Variants in CNTNAP2 observed in about 807,000 individuals in gnomAD.
CNTNAP2 encodes the protein contactin-associated protein-like 2.
Under a neutral mutation model 155.2 loss-of-function variants are expected in CNTNAP2, and 98 were observed. The observed-to-expected ratio is 0.63, with a 90% CI of 0.54 to 0.75. CNTNAP2 has a LOEUF of 0.75. CNTNAP2 is among the 30% of genes least tolerant of loss of function. CNTNAP2 has a pLI of 0.00. For synonymous variants in CNTNAP2, 651 were observed against 631.2 expected, an observed-to-expected ratio of 1.03 and a Z score of -0.47; for missense variants, 1,727 against 1,688.1, an observed-to-expected ratio of 1.02 and a Z score of -0.40.
chr7:147,205,694 A>C (rs1442766232), intron 8 of CNTNAP2, among the ~76,000 whole-genome samples: 1 of 152,048 alleles, frequency 6.6e-6, no homozygotes, highest in Non-Finnish European at 1.5e-5. Flanking sequence ...ATTTTAAAAA[A>C]AAAAAGGAAC....
chr7:146,340,727 C>T (rs766647636), intron 1 of CNTNAP2, among the ~76,000 whole-genome samples: 2 of 152,036 alleles, frequency 1.3e-5, no homozygotes, highest in Non-Finnish European at 2.9e-5. Flanking sequence ...ATTTTATCTC[C>T]GCCTGAAAAA....
chr7:147,712,288 A>G (rs1365007746), intron 13 of CNTNAP2, among the ~76,000 whole-genome samples: 4 of 152,284 alleles, frequency 2.6e-5, no homozygotes, highest in African/African-American at 9.6e-5. Context: ...ACACTTTTAC[A>G]CTGTTGGTGG....
rs193122588 is a variant in CNTNAP2 at position 146,194,720 on chromosome 7, T to G, written c.97+77747T>G. ...TGTGGAAATAATAACAAAGTTATTT[T>G]ATGCTGCTAAAACTAACTTATTTGA... On this transcript the variant is annotated intron_variant, in intron 1 of 23. Coordinates refer to ENST00000361727, the MANE Select transcript of CNTNAP2 (RefSeq NM_014141.6). Among the ~76,000 whole-genome samples, 22 of 152,356 alleles carry G rather than the reference T, an allele frequency of 1.4e-4. 1 individual carries two copies. In the East Asian group the frequency reaches 4.2e-3, roughly 29 times the overall value.
chr7:147,575,513 G>GTGTGTGTGTGTGTGTGTGTGTGTGTA (rs1800382042), intron 12 of CNTNAP2, among the ~76,000 whole-genome samples: 1 of 136,246 alleles, frequency 7.3e-6, no homozygotes, highest in Admixed American at 7.1e-5. Context: ...GTATACAACT[G>GTGTGTGTGTGTGTGTGTGTGTGTGTA]TGTGTGTGTG....
intron 11 of CNTNAP2, among the ~76,000 whole-genome samples, chr7:147,486,321 C>T (rs1003059726): frequency 3.3e-5 from 5 of 152,138 alleles, no homozygotes; most frequent in African/African-American, 9.7e-5. Flanking sequence ...AACTTGGATT[C>T]GCCTCTCTGT....
intron 21 of CNTNAP2, among the ~76,000 whole-genome samples, chr7:148,371,006 T>A (rs1798877515): frequency 1.3e-5 from 2 of 152,250 alleles, no homozygotes; most frequent in African/African-American, 4.8e-5. Context: ...GCTTTCCTGC[T>A]CAAGATGCTC....
At chr7:148,043,487 A>G (rs1802715084) in intron 15 of CNTNAP2, among the ~76,000 whole-genome samples, 1 of 152,256 alleles carries the variant, frequency 6.6e-6, no homozygotes, top group Non-Finnish European at 1.5e-5. Flanking sequence ...TTAATTACTG[A>G]GTTATGGAAA....
intron 1 of CNTNAP2, among the ~76,000 whole-genome samples, chr7:146,473,704 C>T (rs1484470254): frequency 6.6e-6 from 1 of 152,118 alleles, no homozygotes; most frequent in African/African-American, 2.4e-5. Flanking sequence ...AAACCTTAGG[C>T]ATTTGTTTTT....
intron 13 of CNTNAP2, among the ~76,000 whole-genome samples, chr7:147,832,582 G>T (rs12532808): frequency 0.044 from 6,242 of 141,426 alleles, 237 homozygotes; most frequent in Admixed American, 0.11. Flanking sequence ...GAAATATATT[G>T]AAATATATAT....
chr7:147,077,780 T>A (rs1220507337), intron 4 of CNTNAP2, among the ~76,000 whole-genome samples: 1 of 152,258 alleles, frequency 6.6e-6, no homozygotes, highest in South Asian at 2.1e-4. Flanking sequence ...ACCCTCATAA[T>A]AGGGTGATTA....
intron 15 of CNTNAP2, among the ~76,000 whole-genome samples, chr7:148,094,398 G>A (rs577409708): frequency 6.6e-6 from 1 of 152,316 alleles, no homozygotes; most frequent in South Asian, 2.1e-4. Flanking sequence ...AAGAAGAAAA[G>A]AAGGAAGACA....
chr7:147,422,786 A>G (rs1797316869), intron 10 of CNTNAP2, among the ~76,000 whole-genome samples: 1 of 152,216 alleles, frequency 6.6e-6, no homozygotes, highest in Admixed American at 6.5e-5. Context: ...GTGGCATTAT[A>G]TTTGTAGTAA....
chr7:146,730,469 G>A (rs886921160), intron 1 of CNTNAP2, among the ~76,000 whole-genome samples: 14 of 152,112 alleles, frequency 9.2e-5, no homozygotes, highest in African/African-American at 3.1e-4. Flanking sequence ...AGATCATGAC[G>A]TTTTATCTCA....
intron 1 of CNTNAP2, among the ~76,000 whole-genome samples, chr7:146,432,754 G>C (rs1303946676): frequency 1.3e-5 from 2 of 152,096 alleles, no homozygotes; most frequent in Admixed American, 1.3e-4. Flanking sequence ...AAAGTGTGAA[G>C]AGCAAAACCA....
chr7:146,581,216 C>T (rs552115313), intron 1 of CNTNAP2, among the ~76,000 whole-genome samples: 29 of 152,120 alleles, frequency 1.9e-4, no homozygotes, highest in Non-Finnish European at 1.3e-4. Flanking sequence ...GCCTCCATTG[C>T]CTAAGTGACT....
chr7:147,405,812 G>A (rs1387822605), intron 10 of CNTNAP2, among the ~76,000 whole-genome samples: 4 of 152,112 alleles, frequency 2.6e-5, no homozygotes, highest in Admixed American at 6.6e-5. Flanking sequence ...ATTCATTGGC[G>A]ATTTTAGTTT....
intron 1 of CNTNAP2, among the ~76,000 whole-genome samples, chr7:146,597,892 C>T (rs1363165001): frequency 1.3e-5 from 2 of 152,106 alleles, no homozygotes; most frequent in African/African-American, 4.8e-5. Context: ...CTCTCTACTC[C>T]GAACCTCTTC....
intron 15 of CNTNAP2, among the ~76,000 whole-genome samples, chr7:148,102,766 T>C (rs73472242): frequency 0.013 from 1,971 of 152,300 alleles, 39 homozygotes; most frequent in African/African-American, 0.042. Context: ...AGTTTGCATA[T>C]AGCTTTGGGG....
intron 2 of CNTNAP2, among the ~76,000 whole-genome samples, chr7:146,815,966 G>C (rs1803162313): frequency 6.6e-6 from 1 of 152,132 alleles, no homozygotes; most frequent in Non-Finnish European, 1.5e-5. Flanking sequence ...CTGTGTCCAA[G>C]TGTTCTCATT....
Sources: gnomAD v4.1 joint callset for allele counts (sites outside exome capture counted in the v4.1 genomes callset) on GRCh38, gnomAD v4.1.1 for gene constraint, MANE v1.5 for transcripts, NCBI Gene and HGNC (gene_info 2026-07-23, HGNC 2026-07-21) for gene names.